Variants in SOX6 observed in about 807,000 individuals in gnomAD.
The protein encoded by SOX6 is transcription factor SOX-6.
A neutral mutation model predicts 97.8 loss-of-function variants in SOX6; 11 were observed. That is an observed-to-expected ratio of 0.11 (90% CI 0.07 to 0.19). The LOEUF (loss-of-function observed/expected upper bound fraction) is 0.19. SOX6 is among the 10% of genes least tolerant of loss of function. SOX6 has a pLI of 1.00. For synonymous variants in SOX6, 360 were observed against 371.4 expected (o/e 0.97, Z 0.35); for missense variants, 810 against 1,039.5 (o/e 0.78, Z 3.04).
intron 4 of SOX6, among the ~76,000 whole-genome samples, chr11:16,541,633 C>A (rs925306835): frequency 6.6e-6 from 1 of 152,052 alleles, no homozygotes; most frequent in Non-Finnish European, 1.5e-5. Flanking sequence ...AAAAAACAAC[C>A]CTATCAAAAA....
chr11:16,736,954 T>C (rs189142571), intron 1 of SOX6, among the ~76,000 whole-genome samples: 135 of 152,352 alleles, frequency 8.9e-4, no homozygotes, highest in Admixed American at 1.3e-3. Context: ...TTTTCTATTA[T>C]AGTACTTACT....
chr11:16,175,908 C>T (rs1851169096), intron 6 of SOX6, among the ~76,000 whole-genome samples: 1 of 151,772 alleles, frequency 6.6e-6, no homozygotes, highest in Admixed American at 6.6e-5. Flanking sequence ...GAAAAACTAA[C>T]TAAATTTATT....
At chr11:16,386,118 T>C (rs1421447617) in intron 1 of SOX6, among the ~76,000 whole-genome samples, 2 of 152,162 alleles carry the variant, frequency 1.3e-5, no homozygotes, top group African/African-American at 4.8e-5. Flanking sequence ...TTGGTATGCA[T>C]ATGGCCCTTG....
At chr11:16,395,727 G>A (rs1858334661) in intron 1 of SOX6, among the ~76,000 whole-genome samples, 1 of 151,674 alleles carries the variant, frequency 6.6e-6, no homozygotes, top group Non-Finnish European at 1.5e-5. Flanking sequence ...TACCATACAA[G>A]GAATATGGAA....
At chr11:16,293,874 T>C (rs1854989076) in intron 3 of SOX6, among the ~76,000 whole-genome samples, 1 of 152,066 alleles carries the variant, frequency 6.6e-6, no homozygotes, top group Admixed American at 6.6e-5. Context: ...TCTCCTCTGC[T>C]TGCACTGTTC....
chr11:16,417,752 C>G (rs980864036), intron 1 of SOX6, among the ~76,000 whole-genome samples: 19 of 152,258 alleles, frequency 1.2e-4, no homozygotes, highest in Middle Eastern at 3.4e-3. Context: ...AACACAATTG[C>G]TTAAACCTTA....
intron 11 of SOX6, among the ~76,000 whole-genome samples, chr11:16,049,451 T>C (rs913163821): frequency 6.6e-6 from 1 of 152,180 alleles, no homozygotes; most frequent in Non-Finnish European, 1.5e-5. Context: ...CCAGGTCCTA[T>C]GTCCCTGAAA....
At chr11:16,039,684 A>G (rs968711341) in intron 12 of SOX6, among the ~76,000 whole-genome samples, 1 of 152,070 alleles carries the variant, frequency 6.6e-6, no homozygotes, top group African/African-American at 2.4e-5. Context: ...TAAAGCAAAA[A>G]CATTCTTCTA....
intron 4 of SOX6, among the ~76,000 whole-genome samples, chr11:16,608,791 T>G (rs547176138): frequency 6.6e-6 from 1 of 152,240 alleles, no homozygotes; most frequent in Non-Finnish European, 1.5e-5. Context: ...GTTATACTGT[T>G]ATATGGATAA....
At chr11:16,319,414 G>A (rs754447241) in intron 2 of SOX6, among the ~76,000 whole-genome samples, 1 of 152,076 alleles carries the variant, frequency 6.6e-6, no homozygotes, top group Non-Finnish European at 1.5e-5. Flanking sequence ...TGCACAACGT[G>A]CAGGTTTTTC....
intron 4 of SOX6, among the ~76,000 whole-genome samples, chr11:16,498,340 G>A (rs1459542413): frequency 6.6e-6 from 1 of 152,164 alleles, no homozygotes; most frequent in Admixed American, 6.6e-5. Flanking sequence ...ACCGGTACCA[G>A]CCACTGCAAA....
chr11:16,232,839 G>A (rs990527593), intron 4 of SOX6, among the ~76,000 whole-genome samples: 9 of 152,050 alleles, frequency 5.9e-5, no homozygotes, highest in Non-Finnish European at 1.3e-4. Flanking sequence ...GCTGGATAGA[G>A]AATATGTCAC....
At chr11:16,608,763 T>C (rs1185701955) in intron 4 of SOX6, among the ~76,000 whole-genome samples, 1 of 152,164 alleles carries the variant, frequency 6.6e-6, no homozygotes, top group Admixed American at 6.5e-5. Context: ...CGGCAATAAA[T>C]AAAACAATTC....
chr11:16,349,682 AAGGAAGGAAGGAAG>A (rs1856866619), intron 1 of SOX6, among the ~76,000 whole-genome samples: 2 of 65,334 alleles, frequency 3.1e-5, no homozygotes, highest in Admixed American at 2.9e-4. Flanking sequence ...GGGAGGAAGG[AAGGAAGGAAGGAAG>A]GAAGGAAGGA....
intron 1 of SOX6, among the ~76,000 whole-genome samples, chr11:16,415,669 C>T (rs894920739): frequency 6.6e-6 from 1 of 151,980 alleles, no homozygotes; most frequent in Non-Finnish European, 1.5e-5. Context: ...TCACTCTGTA[C>T]CCCATAAATA....
chr11:16,120,072 GTT>G (rs1414973584), intron 6 of SOX6, among the ~76,000 whole-genome samples: 36 of 151,842 alleles, frequency 2.4e-4, no homozygotes, highest in Non-Finnish European at 4.7e-4. Flanking sequence ...CTGTTTGTTT[GTT>G]TGTTTGTTAT....
chr11:16,388,106 G>A (rs1446919729), intron 1 of SOX6, among the ~76,000 whole-genome samples: 1 of 152,106 alleles, frequency 6.6e-6, no homozygotes, highest in African/African-American at 2.4e-5. Context: ...GATAAAAATA[G>A]TTTTATTATA....
chr11:16,067,129 T>C (rs1394494592), intron 9 of SOX6, among the ~76,000 whole-genome samples: 1 of 152,170 alleles, frequency 6.6e-6, no homozygotes, highest in Admixed American at 6.5e-5. Flanking sequence ...TTGTTTCAGG[T>C]GAGACTTTAG....
In SOX6 at chr11:16,132,506, A is replaced by AAGAAAGAAAGCT. The variant is rs1442386705; in HGVS notation, c.778-20584_778-20583insAGCTTTCTTTCT. ...AAAGAAAGAAAGAAAGAAAGAAAGA[A>AAGAAAGAAAGCT]AGCTTATCTTTGTATCTAGGAAGAC... On this transcript the variant is annotated intron_variant, in intron 6 of 15. Coordinates refer to ENST00000683767, the MANE Select transcript of SOX6 (RefSeq NM_001367873.1). Among the ~76,000 whole-genome samples, 2 of 88,754 alleles carry AAGAAAGAAAGCT rather than the reference A, an allele frequency of 2.3e-5. 1 individual carries two copies. The highest frequency in any genetic ancestry group is 5.9e-5 in the Non-Finnish European group (2 of 33,708). 58.2% of individuals were successfully genotyped at this position (88,754 alleles called of 152,430 possible).
Sources: allele counts gnomAD v4.1 joint callset (sites outside exome capture counted in the v4.1 genomes callset), GRCh38; gene constraint gnomAD v4.1.1; transcripts MANE v1.5; gene names NCBI Gene and HGNC (gene_info 2026-07-23, HGNC 2026-07-21).